The following ANKRD66 variants were observed in gnomAD, a reference collection of about 807,000 sequenced individuals.
ANKRD66 encodes ankyrin repeat domain-containing protein 66.
Under a neutral mutation model 10.9 loss-of-function variants are expected in ANKRD66, and 10 were observed. The ratio of observed to expected loss-of-function variants is 0.91; its 90% CI spans 0.56 to 1.55. The LOEUF is 1.55. Ranked by LOEUF, ANKRD66 falls within the 40% of genes most tolerant of loss-of-function variation. The probability of loss-of-function intolerance (pLI) is 0.00; values close to 1 mark genes in which losing one functional copy is unlikely to be tolerated. For missense variants in ANKRD66, 252 were observed against 242.9 expected (o/e 1.04, Z -0.25); for synonymous variants, 85 against 88.4 (o/e 0.96, Z 0.22).
chr6:46,752,204 A>T, intron 3 of ANKRD66, 93 bp downstream of exon 3: 1 of 1,256,924 alleles, frequency 8.0e-7, no homozygotes, highest in Non-Finnish European at 1.0e-6. Flanking sequence ...TGGAACAAAC[A>T]TTTCTTTAGA....
At chr6:46,747,621 T>A (rs1446842191) in intron 1 of ANKRD66, among the ~76,000 whole-genome samples, 1 of 152,244 alleles carries the variant, frequency 6.6e-6, no homozygotes, top group Non-Finnish European at 1.5e-5. Flanking sequence ...AAAGTATGTA[T>A]CAGTACTTCA....
chr6:46,748,235 C>A (rs1766187970), intron 1 of ANKRD66, among the ~76,000 whole-genome samples: 4 of 152,272 alleles, frequency 2.6e-5, no homozygotes, highest in Non-Finnish European at 5.9e-5. Flanking sequence ...TTGTTTTCTT[C>A]TGGGTCCCTT....
chr6:46,753,726 A>T lies in ANKRD66; in HGVS notation c.168A>T (p.Gln56His), dbSNP rs2150727472. Residue 56 changes from glutamine to histidine, a missense_variant, in exon 4 of 5, where the codon CAA (glutamine) becomes CAT (histidine). Transcript: ENST00000565422. ...TPLHWAAIKG[Q>H]MEVIRLLIEY... ...TTTCTTTTTGGTACATCTAAGGGCA[A>T]ATGGAGGTGATACGGCTCCTGATAG... 6.5e-7 allele frequency: 1 copy of T among 1,547,432 alleles called. No homozygotes were observed. The highest frequency in any genetic ancestry group is 2.4e-5 in the East Asian group (1 of 40,868).
At chr6:46,750,741 A>G (rs145688009) in intron 2 of ANKRD66, among the ~76,000 whole-genome samples, 72 of 150,052 alleles carry the variant, frequency 4.8e-4, no homozygotes, top group Admixed American at 1.1e-3. Context: ...ATATATATAA[A>G]GTTGGAAAAG....
chr6:46,750,472 AG>A (rs1356724224), intron 2 of ANKRD66, among the ~76,000 whole-genome samples: 3 of 151,896 alleles, frequency 2.0e-5, no homozygotes, highest in Non-Finnish European at 4.4e-5. Flanking sequence ...CTGACTTAAT[AG>A]AAGACAGCTG....
intron 2 of ANKRD66, 108 bp downstream of exon 2, chr6:46,750,087 C>A: frequency 1.6e-6 from 1 of 617,754 alleles, no homozygotes; most frequent in Non-Finnish European, 2.9e-6. Context: ...TTCTTATGAT[C>A]CCAACTTAAA....
intron 3 of ANKRD66, 107 bp from the exon 4 acceptor site, chr6:46,753,615 A>G (rs1766312894): frequency 2.6e-6 from 3 of 1,141,324 alleles, no homozygotes; most frequent in Non-Finnish European, 3.6e-6. Context: ...AGGCTCCTCA[A>G]AGGCAAAGTT....
chr6:46,756,219 G>T, intron 4 of ANKRD66: 1 of 280,318 alleles, frequency 3.6e-6, no homozygotes, highest in African/African-American at 2.3e-5. Flanking sequence ...TGACTTGTTA[G>T]CAATCAAATT....
intron 4 of ANKRD66, chr6:46,756,112 A>T (rs1305863135): frequency 2.2e-6 from 1 of 445,482 alleles, no homozygotes; most frequent in South Asian, 1.6e-5. Flanking sequence ...TAAATCAAGA[A>T]ACGCCTGACT....
At chr6:46,755,004 T>C (rs1320058386) in intron 4 of ANKRD66, among the ~76,000 whole-genome samples, 2 of 152,176 alleles carry the variant, frequency 1.3e-5, no homozygotes, top group Non-Finnish European at 2.9e-5. Context: ...TGACCATAGC[T>C]CTCTTCACTT....
intron 4 of ANKRD66, among the ~76,000 whole-genome samples, chr6:46,754,389 T>G (rs1386257996): frequency 6.6e-6 from 1 of 152,186 alleles, no homozygotes; most frequent in Non-Finnish European, 1.5e-5. Flanking sequence ...CTTTTAAAAC[T>G]TCTATGTTCA....
intron 3 of ANKRD66, among the ~76,000 whole-genome samples, chr6:46,753,321 C>T (rs886508378): frequency 2.0e-5 from 3 of 152,138 alleles, no homozygotes; most frequent in African/African-American, 4.8e-5. Flanking sequence ...TTATTTATCA[C>T]GTAAATAGGA....
At chr6:46,754,122 C>T (rs1195189909) in intron 4 of ANKRD66, among the ~76,000 whole-genome samples, 172 bp downstream of exon 4, 1 of 151,972 alleles carries the variant, frequency 6.6e-6, no homozygotes, top group African/African-American at 2.4e-5. Flanking sequence ...TAGTGTTTCA[C>T]TTAAAAGACT....
Position 46,759,055 on chromosome 6 carries a change from G to C in ANKRD66, c.*134G>C, listed in dbSNP as rs1766434042. 1.2e-6 allele frequency: 1 copy of C among 811,416 alleles called. No individual in the cohort carries two copies. Among genetic ancestry groups the C allele is most frequent in the Non-Finnish European group, 1.9e-6 (1 of 535,260 alleles). The allele number at this position is 811,416 out of a possible 1,614,324, so 50.3% of individuals were successfully genotyped here. ...GCTTCTGCCCATGGACCTGTCATTA[G>C]GTGCTGTCCACATGGGCTGTTGTTT... On this transcript the variant is annotated 3_prime_UTR_variant, in exon 5 of 5. Coordinates refer to ENST00000565422, the MANE Select transcript of ANKRD66 (RefSeq NM_001162435.3).
rs1386321029 is a variant in ANKRD66, at chr6:46,758,717, T to A, written c.393-6T>A. ...CAAGTTCAGAAGGCTCTCTCTTCTTTCCTAGGGCAGAGCCCGAGTGCCAGG... is the reference window on the plus strand; with the variant it reads ...CAAGTTCAGAAGGCTCTCTCTTCTTACCTAGGGCAGAGCCCGAGTGCCAGG... On this transcript the variant is annotated splice_region_variant and splice_polypyrimidine_tract_variant and intron_variant, in intron 4 of 4. Coordinates refer to ENST00000565422, the MANE Select transcript of ANKRD66 (RefSeq NM_001162435.3). 1.9e-5 allele frequency: 30 copies of A among 1,543,000 alleles called. No homozygotes were observed. Among genetic ancestry groups the A allele is most frequent in the Admixed American group, 4.1e-5 (2 of 49,216 alleles).
chr6:46,758,564 T>C (rs1022388248), intron 4 of ANKRD66, 159 bp from the exon 5 acceptor site: 4 of 613,348 alleles, frequency 6.5e-6, no homozygotes, highest in Non-Finnish European at 1.0e-5. Context: ...TTCTTTAGTG[T>C]CTGAGACCTT....
At chr6:46,755,422 T>A (rs765867994) in intron 4 of ANKRD66, among the ~76,000 whole-genome samples, 5 of 152,242 alleles carry the variant, frequency 3.3e-5, no homozygotes, top group Admixed American at 2.6e-4. Flanking sequence ...TTCAGAGGTA[T>A]GCCTTCTACT....
chr6:46,750,989 A>G (rs1276143554), intron 2 of ANKRD66, among the ~76,000 whole-genome samples: 1 of 152,228 alleles, frequency 6.6e-6, no homozygotes, highest in African/African-American at 2.4e-5. Context: ...AATATTTTCT[A>G]AACATGCACA....
At position 46,753,900 on chromosome 6, in the gene ANKRD66, G is replaced by A; in HGVS notation, c.342G>A (p.Lys114=). The A allele has an allele frequency of 6.4e-7, 1 of 1,551,692 alleles. No homozygotes were observed. The highest frequency in any genetic ancestry group is 8.7e-7 in the Non-Finnish European group (1 of 1,147,000). Reference sequence around the variant, plus strand: ...CTGACTTCTTTGGAGACACACCGAAGAGGATTGCACAGATCTATGGACAGA... The same window carrying A: ...CTGACTTCTTTGGAGACACACCGAAAAGGATTGCACAGATCTATGGACAGA... ...DAPDFFGDTP[K]RIAQIYGQKA... Residue 114 remains lysine, a synonymous_variant, in exon 4 of 5, where the codon AAG becomes AAA. Coordinates refer to ENST00000565422, the MANE Select transcript of ANKRD66 (RefSeq NM_001162435.3).
Sources: gnomAD v4.1 joint callset for allele counts (sites outside exome capture counted in the v4.1 genomes callset) on GRCh38, gnomAD v4.1.1 for gene constraint, MANE v1.5 for transcripts, NCBI Gene and HGNC (gene_info 2026-07-23, HGNC 2026-07-21) for gene names.